FAM78B: variants seen among roughly 807,000 people sequenced by gnomAD.
FAM78B encodes protein FAM78B.
FAM78B carries 10 observed loss-of-function variants against 20.0 expected under a neutral mutation model. The observed-to-expected ratio is 0.50, with a 90% CI of 0.31 to 0.85. FAM78B has a LOEUF of 0.85. FAM78B is among the 40% of genes least tolerant of loss of function. FAM78B has a pLI of 0.05. For synonymous variants in FAM78B, 135 were observed against 132.8 expected, an observed-to-expected ratio of 1.02 and a Z score of -0.12; for missense variants, 283 against 345.0, an observed-to-expected ratio of 0.82 and a Z score of 1.42.
chr1:166,063,898 A>G (rs758024717), intron 2 of FAM78B, among the ~76,000 whole-genome samples: 16 of 152,232 alleles, frequency 1.1e-4, no homozygotes, highest in Non-Finnish European at 1.9e-4. Flanking sequence ...AGCCAAGGAC[A>G]TATGTGGGCC....
intron 1 of FAM78B, among the ~76,000 whole-genome samples, chr1:166,163,443 A>G (rs1656237156): frequency 6.6e-6 from 1 of 152,252 alleles, no homozygotes; most frequent in African/African-American, 2.4e-5. Context: ...TCCTGTAAAC[A>G]GGAGTTTCTT....
chr1:166,142,438 G>T (rs1400406802), intron 1 of FAM78B, among the ~76,000 whole-genome samples: 1 of 152,204 alleles, frequency 6.6e-6, no homozygotes, highest in East Asian at 1.9e-4. Flanking sequence ...AGTCAGTGGT[G>T]CATTAGCACC....
At chr1:166,133,617 C>T (rs937245164) in intron 1 of FAM78B, among the ~76,000 whole-genome samples, 1 of 139,438 alleles carries the variant, frequency 7.2e-6, no homozygotes, top group Non-Finnish European at 1.6e-5. Context: ...AAAAAAAGAA[C>T]CGTAAATATA....
At chr1:166,147,743 C>T (rs4657524) in intron 1 of FAM78B, 134,061 of 152,116 alleles carry the variant, frequency 0.88, 60,541 homozygotes, top group Non-Finnish European at 0.99. Flanking sequence ...GCAATCCTCC[C>T]ACCTCAGCCT....
intron 1 of FAM78B, chr1:166,147,782 C>T (rs961559711): frequency 6.6e-6 from 1 of 152,206 alleles, no homozygotes; most frequent in Non-Finnish European, 1.5e-5. Flanking sequence ...CAGGTGCACA[C>T]CACCATACCC....
At chr1:166,137,513 T>A (rs202247474) in intron 1 of FAM78B, among the ~76,000 whole-genome samples, 6 of 143,430 alleles carry the variant, frequency 4.2e-5, no homozygotes, top group African/African-American at 1.3e-4. Context: ...TTTTTTTTTT[T>A]AACTATGTTG....
intron 1 of FAM78B, among the ~76,000 whole-genome samples, chr1:166,090,993 TG>T (rs2101736703): frequency 6.6e-6 from 1 of 152,162 alleles, no homozygotes; most frequent in African/African-American, 2.4e-5. Context: ...GACTGAGGTT[TG>T]GGGAGGTGAA....
At chr1:166,095,933 G>A (rs970721133) in intron 1 of FAM78B, among the ~76,000 whole-genome samples, 3 of 152,104 alleles carry the variant, frequency 2.0e-5, no homozygotes, top group African/African-American at 7.2e-5. Context: ...GGAAGCTGCA[G>A]ACAGAAATGT....
intron 1 of FAM78B, among the ~76,000 whole-genome samples, chr1:166,151,933 C>T (rs904058251): frequency 6.6e-6 from 1 of 152,154 alleles, no homozygotes; most frequent in Non-Finnish European, 1.5e-5. Context: ...AACTTTACCC[C>T]GGGCCCAACT....
intron 1 of FAM78B, among the ~76,000 whole-genome samples, chr1:166,116,734 C>T (rs1263105767): frequency 1.3e-5 from 2 of 152,210 alleles, no homozygotes; most frequent in Non-Finnish European, 2.9e-5. Context: ...TAATCTTACC[C>T]TCTTCAGCTG....
At chr1:166,165,927 G>A (rs1045896573) in intron 1 of FAM78B, 59 bp downstream of exon 1, 82 of 1,606,892 alleles carry the variant, frequency 5.1e-5, no homozygotes, top group Non-Finnish European at 6.5e-5. Context: ...GGGGGTCAAG[G>A]TGGCAAGCAG....
At position 166,166,415 on chromosome 1, in the gene FAM78B, C is replaced by T. The variant is rs1173927131; in HGVS notation, c.-167G>A. 7 of 461,958 alleles carry T rather than the reference C, an allele frequency of 1.5e-5. No individual in the cohort carries two copies. In the South Asian group the frequency reaches 4.7e-4, roughly 31 times the overall value. 28.6% of individuals were successfully genotyped at this position (461,958 alleles called of 1,614,324 possible). ...CCGGGCATCCTTGGGGAAGCCCCCTCCTCTTGCAGCCGCGCGGGGTCCCCG... is the reference window on the plus strand; with the variant it reads ...CCGGGCATCCTTGGGGAAGCCCCCTTCTCTTGCAGCCGCGCGGGGTCCCCG... On this transcript the variant is annotated 5_prime_UTR_variant, in exon 1 of 2. Coordinates refer to ENST00000354422, the MANE Select transcript of FAM78B (RefSeq NM_001017961.5).
chr1:166,137,795 G>T (rs1655122922), intron 1 of FAM78B, among the ~76,000 whole-genome samples: 2 of 152,212 alleles, frequency 1.3e-5, no homozygotes, highest in South Asian at 4.1e-4. Context: ...ATAGTACTAT[G>T]GGAAGTAAGG....
At chr1:166,066,926 A>C (rs997788362), downstream of FAM78B, among the ~76,000 whole-genome samples, 6 of 151,810 alleles carry the variant, frequency 4.0e-5, no homozygotes, top group African/African-American at 1.5e-4. Flanking sequence ...AGCTACAGCA[A>C]TGACCCAGGA....
chr1:166,097,031 C>T (rs547683104), intron 1 of FAM78B, among the ~76,000 whole-genome samples: 4 of 152,296 alleles, frequency 2.6e-5, no homozygotes, highest in Non-Finnish European at 2.9e-5. Context: ...AGACCACCCC[C>T]CAAAACTGTG....
intron 1 of FAM78B, among the ~76,000 whole-genome samples, chr1:166,081,810 G>A (rs1169113320): frequency 4.6e-5 from 7 of 152,190 alleles, no homozygotes; most frequent in Non-Finnish European, 8.8e-5. Flanking sequence ...TGGGGCTGCA[G>A]TGGGACCCCA....
intron 1 of FAM78B, among the ~76,000 whole-genome samples, chr1:166,135,002 G>T (rs899850156): frequency 1.1e-4 from 17 of 152,254 alleles, no homozygotes; most frequent in African/African-American, 4.1e-4. Context: ...TTCACCTGAA[G>T]AATTATTTTT....
chr1:166,111,444 G>A (rs1654054522), intron 1 of FAM78B, among the ~76,000 whole-genome samples: 1 of 152,200 alleles, frequency 6.6e-6, no homozygotes, highest in African/African-American at 2.4e-5. Flanking sequence ...TAAGTACAGG[G>A]CTACCTGTTA....
intron 1 of FAM78B, among the ~76,000 whole-genome samples, chr1:166,149,067 C>T (rs1655582348): frequency 1.3e-5 from 2 of 151,886 alleles, no homozygotes; most frequent in Admixed American, 1.3e-4. Flanking sequence ...GGGTTGGTTC[C>T]AAGTCTTTGC....
Sources: gnomAD v4.1 joint callset for allele counts (sites outside exome capture counted in the v4.1 genomes callset) on GRCh38, gnomAD v4.1.1 for gene constraint, MANE v1.5 for transcripts, NCBI Gene and HGNC (gene_info 2026-07-23, HGNC 2026-07-21) for gene names.